Variants in ZNF202 observed in about 807,000 individuals in gnomAD.
ZNF202 encodes the protein zinc finger protein 202.
A neutral mutation model predicts 54.5 loss-of-function variants in ZNF202; 22 were observed. That is an observed-to-expected ratio of 0.40 (90% confidence interval 0.29 to 0.58). The LOEUF (loss-of-function observed/expected upper bound fraction) is 0.58, where lower values mean the gene tolerates loss of function less well. Among genes scored for constraint, ZNF202 ranks in the 20% least tolerant of loss-of-function variants. The pLI, the probability that ZNF202 is intolerant of heterozygous loss-of-function variation, is 0.39. For synonymous variants in ZNF202, 294 were observed against 301.4 expected, an observed-to-expected ratio of 0.98 and a Z score of 0.26; for missense variants, 644 against 805.5, an observed-to-expected ratio of 0.80 and a Z score of 2.43.
intron 3 of ZNF202, among the ~76,000 whole-genome samples, chr11:123,732,936 A>T (rs1003492165): frequency 6.6e-6 from 1 of 152,126 alleles, no homozygotes; most frequent in African/African-American, 2.4e-5. Flanking sequence ...CGGTTGAGCC[A>T]TTATGACCCA....
In ZNF202 at chr11:123,726,761, T is replaced by G. The variant is rs756397313; in HGVS notation, c.1183A>C (p.Arg395=). ...ETTPVHPLLG[R]HHDCSVCGKS... ...CCACACACAGAACAGTCATGATGCC[T>G]CCCTAACAGGGGGTGGACGGGTGTA... is the stretch of plus-strand genomic sequence containing the variant. The change falls in exon 9 of 9, where the codon AGG becomes CGG. Residue 395 remains arginine, a synonymous_variant. Transcript: ENST00000530393. The surrounding 1 kb of genome is among the most constrained non-coding windows in gnomAD (Gnocchi z 6.0). 9 of 1,614,214 alleles carry G rather than the reference T, an allele frequency of 5.6e-6. No homozygotes were observed. The highest frequency in any genetic ancestry group is 7.6e-6 in the Non-Finnish European group (9 of 1,180,038).
intron 3 of ZNF202, among the ~76,000 whole-genome samples, chr11:123,733,118 C>A (rs1475821423): frequency 6.6e-6 from 1 of 152,182 alleles, no homozygotes; most frequent in Non-Finnish European, 1.5e-5. Flanking sequence ...AGCTTAAGGG[C>A]TCCATCATTT....
At chr11:123,729,984 C>T (rs1311908714) in intron 4 of ZNF202, among the ~76,000 whole-genome samples, 159 bp from the exon 5 acceptor site, 2 of 152,134 alleles carry the variant, frequency 1.3e-5, no homozygotes, top group African/African-American at 2.4e-5. Flanking sequence ...CAAGGAGGAG[C>T]TGAAGGTTAT....
At chr11:123,735,200 T>C (rs926550768) in intron 3 of ZNF202, among the ~76,000 whole-genome samples, 4 of 152,166 alleles carry the variant, frequency 2.6e-5, no homozygotes, top group Admixed American at 1.3e-4. Context: ...ATAAAAGGAC[T>C]TCTAGTATCT....
At chr11:123,737,841 T>C (rs1357538163) in intron 3 of ZNF202, among the ~76,000 whole-genome samples, 2 of 152,140 alleles carry the variant, frequency 1.3e-5, no homozygotes, top group African/African-American at 4.8e-5. Flanking sequence ...TGTTGAGTCT[T>C]GGGATGATTC....
rs920627370 is a variant in ZNF202 at position 123,735,785 on chromosome 11, T to C, written c.-98+4332A>G. Among the ~76,000 whole-genome samples the C allele has an allele frequency of 3.3e-5, 5 of 152,352 alleles. No homozygotes were observed. In the South Asian group the frequency reaches 1.0e-3, roughly 32 times the overall value. On this transcript the variant is annotated intron_variant, in intron 3 of 8. Transcript: ENST00000530393. ...GTTGTGCAAATGTCAAGATTTAATA[T>C]TAGAGGCAGAAAACAGATGTTGTGT...
chr11:123,731,031 T>C lies in ZNF202; in HGVS notation c.-97-46A>G, dbSNP rs545035013. On this transcript the variant is annotated intron_variant, in intron 3 of 8. Coordinates refer to ENST00000530393, the MANE Select transcript of ZNF202 (RefSeq NM_003455.4). ...AAACAAGAGTATAAGCATGAAACTATACACAAGGACAACAGCCTGAGTTCA... is the reference window on the plus strand; with the variant it reads ...AAACAAGAGTATAAGCATGAAACTACACACAAGGACAACAGCCTGAGTTCA... 8 of 934,722 alleles carry C rather than the reference T, an allele frequency of 8.6e-6. 1 individual carries two copies. Among genetic ancestry groups the C allele is most frequent in the South Asian group, 3.8e-5 (2 of 52,000 alleles). The allele number at this position is 934,722 out of a possible 1,614,324, so 57.9% of individuals were successfully genotyped here. A position where few individuals can be genotyped will look rare whatever the true frequency, so the allele number is the denominator to read the frequency against.
intron 7 of ZNF202, among the ~76,000 whole-genome samples, chr11:123,727,899 G>A (rs750391723): frequency 2.0e-4 from 30 of 152,130 alleles, no homozygotes; most frequent in Admixed American, 3.9e-4. Flanking sequence ...AAATATTTCT[G>A]CACTAAAGCT....
At chr11:123,739,489 T>C (rs1391524065) in intron 3 of ZNF202, 1 of 150,412 alleles carries the variant, frequency 6.6e-6, no homozygotes, top group Non-Finnish European at 1.5e-5. Context: ...ATACTAGGAA[T>C]TCACAGCAAA....
chr11:123,731,532 A>G (rs1338885044), intron 3 of ZNF202, among the ~76,000 whole-genome samples: 2 of 152,250 alleles, frequency 1.3e-5, no homozygotes, highest in South Asian at 2.1e-4. Flanking sequence ...AACACCAACC[A>G]TGAGGGAGAT....
rs759587095 is a variant in ZNF202 at position 123,726,528 on chromosome 11, C to T, written c.1416G>A (p.Glu472=). ...AGGGTTTCTCCACTGATGGAGTTCT[C>T]TCAGCCTGTGTCACAGGGGAGGTCT... ...LEETSPVTQA[E]RTPSVEKPYR... The change falls in exon 9 of 9, where the codon GAG becomes GAA. Residue 472 remains glutamate (E), a synonymous_variant. Transcript: ENST00000530393. The surrounding 1 kb of genome is among the most constrained non-coding windows in gnomAD (Gnocchi z 6.0). 15 of 1,614,254 alleles carry T rather than the reference C, an allele frequency of 9.3e-6. No homozygotes were observed. The East Asian group carries it at 2.0e-4, about 22-fold the overall frequency.
rs907034381 is a variant in ZNF202 at position 123,725,807 on chromosome 11, C to T, written c.*190G>A. 10 of 646,722 alleles carry T rather than the reference C, an allele frequency of 1.5e-5. No individual in the cohort carries two copies. The highest frequency in any genetic ancestry group is 2.5e-5 in the Non-Finnish European group (10 of 393,418). 40.1% of individuals were successfully genotyped at this position (646,722 alleles called of 1,614,324 possible). ...TTGTACTTTGGATGAAACATCCCCTCAAGGCGTAGAGGAAGGCTGAGAGGT... is the reference window on the plus strand; with the variant it reads ...TTGTACTTTGGATGAAACATCCCCTTAAGGCGTAGAGGAAGGCTGAGAGGT... On this transcript the variant is annotated 3_prime_UTR_variant, in exon 9 of 9. Transcript: ENST00000530393.
Position 123,730,903 on chromosome 11 carries a change from G to T in ZNF202, c.-15C>A, listed in dbSNP as rs763117406. 6.2e-7 allele frequency: 1 copy of T among 1,606,412 alleles called. No individual in the cohort carries two copies. The highest frequency in any genetic ancestry group is 1.1e-5 in the South Asian group (1 of 89,576). On this transcript the variant is annotated 5_prime_UTR_variant, in exon 4 of 9. Coordinates refer to ENST00000530393, the MANE Select transcript of ZNF202 (RefSeq NM_003455.4). The surrounding 1 kb of genome is among the most constrained non-coding windows in gnomAD (Gnocchi z 6.0). ...GCTGTAGCCATTTCTTGGCTTTGGGGTGGTCTCACACCATCTAGAGCTCAC... is the reference window on the plus strand; with the variant it reads ...GCTGTAGCCATTTCTTGGCTTTGGGTTGGTCTCACACCATCTAGAGCTCAC...
chr11:123,729,080 G>C lies in ZNF202; in HGVS notation c.702+46C>G, dbSNP rs1409998938. The C allele has an allele frequency of 3.1e-6, 5 of 1,595,808 alleles. No homozygotes were observed. In the South Asian group the frequency reaches 3.3e-5, roughly 11 times the overall value. On this transcript the variant is annotated intron_variant, in intron 6 of 8. Coordinates refer to ENST00000530393, the MANE Select transcript of ZNF202 (RefSeq NM_003455.4). ...TGTTTAGTATGGCTTATGCCCAGTG[G>C]TTCTTCAAACAAATTCTCTGTGGTA...
In ZNF202 at chr11:123,730,939, GC is replaced by G; in HGVS notation, c.-52del. ...CCATCTAGAGCTCACACTGTCATTAGCCCCCCGCCTCAGCCTGGACACAGCG... is the reference window on the plus strand; with the variant it reads ...CCATCTAGAGCTCACACTGTCATTAGCCCCCGCCTCAGCCTGGACACAGCG... On this transcript the variant is annotated 5_prime_UTR_variant, in exon 4 of 9. Coordinates refer to ENST00000530393, the MANE Select transcript of ZNF202 (RefSeq NM_003455.4). The surrounding 1 kb of genome is among the most constrained non-coding windows in gnomAD (Gnocchi z 6.0). 6.4e-7 allele frequency: 1 copy of G among 1,561,008 alleles called. No homozygotes were observed. Among genetic ancestry groups the G allele is most frequent in the Non-Finnish European group, 8.7e-7 (1 of 1,153,414 alleles).
Position 123,726,561 on chromosome 11 carries a change from A to G in ZNF202, c.1383T>C (p.Asn461=). 1 of 1,614,128 alleles carries G rather than the reference A, an allele frequency of 6.2e-7. No individual in the cohort carries two copies. The highest frequency in any genetic ancestry group is 8.5e-7 in the Non-Finnish European group (1 of 1,180,020). ...GTGTCACAGGGGAGGTCTCTTCCAA[A>G]TTCTTCCGGTTTAGGGGATATTTGT... The part of the protein sequence containing the change: ...APYKYPLNRK[N]LEETSPVTQA... Residue 461 remains asparagine, a synonymous_variant, in exon 9 of 9, where the codon AAT becomes AAC. Coordinates refer to ENST00000530393, the MANE Select transcript of ZNF202 (RefSeq NM_003455.4). This position sits in a 1 kb window ranked among gnomAD's most constrained non-coding sequence, Gnocchi z 6.0.
At chr11:123,728,392 A>C (rs1591376187) in intron 6 of ZNF202, 130 bp from the exon 7 acceptor site, 4 of 1,217,376 alleles carry the variant, frequency 3.3e-6, no homozygotes, top group South Asian at 1.9e-5. Context: ...GGCTGCTTAA[A>C]CTCATTCTCG....
rs763596721 is a variant in ZNF202 at position 123,725,952 on chromosome 11, C to T, written c.*45G>A. 1.3e-5 allele frequency: 20 copies of T among 1,565,338 alleles called. No individual in the cohort carries two copies. In the South Asian group the frequency reaches 2.4e-4, roughly 19 times the overall value. ...GAGGGCTTTTCCTCTTCCTCACCTCCCTTAGGTGAGGGCTGAAAGCAGATC... is the reference window on the plus strand; with the variant it reads ...GAGGGCTTTTCCTCTTCCTCACCTCTCTTAGGTGAGGGCTGAAAGCAGATC... On this transcript the variant is annotated 3_prime_UTR_variant, in exon 9 of 9. Coordinates refer to ENST00000530393, the MANE Select transcript of ZNF202 (RefSeq NM_003455.4).
chr11:123,730,688 G>A lies in ZNF202; in HGVS notation c.201C>T (p.Leu67=), dbSNP rs776163902. The part of the protein sequence containing the change: ...AASPREALIR[L]RELCHQWLRP... ...TCAGCCACTGGTGACAAAGTTCTCGGAGTCTGATGAGAGCTTCTCTAGGGC... is the reference window on the plus strand; with the variant it reads ...TCAGCCACTGGTGACAAAGTTCTCGAAGTCTGATGAGAGCTTCTCTAGGGC... Residue 67 remains leucine, a synonymous_variant, in exon 4 of 9, where the codon CTC becomes CTT. Coordinates refer to ENST00000530393, the MANE Select transcript of ZNF202 (RefSeq NM_003455.4). The surrounding 1 kb of genome is among the most constrained non-coding windows in gnomAD (Gnocchi z 6.0). The A allele has an allele frequency of 7.4e-6, 12 of 1,614,100 alleles. No individual in the cohort carries two copies. Among genetic ancestry groups the A allele is most frequent in the African/African-American group, 1.3e-5 (1 of 74,940 alleles).
Sources: allele counts gnomAD v4.1 joint callset (sites outside exome capture counted in the v4.1 genomes callset), GRCh38; gene constraint gnomAD v4.1.1; non-coding constraint Gnocchi (gnomAD v3.1); transcripts MANE v1.5; gene names NCBI Gene and HGNC (gene_info 2026-07-23, HGNC 2026-07-21).